CALD1: variants seen among roughly 807,000 people sequenced by gnomAD.
CALD1 encodes caldesmon 1.
A neutral mutation model predicts 99.9 loss-of-function variants in CALD1; 33 were observed. The ratio of observed to expected loss-of-function variants is 0.33; its 90% CI spans 0.25 to 0.44. The LOEUF is 0.44. Among genes scored for constraint, CALD1 ranks in the 20% least tolerant of loss-of-function variants. The pLI is 1.00. For synonymous variants in CALD1, 310 were observed against 325.0 expected, an observed-to-expected ratio of 0.95 and a Z score of 0.50; for missense variants, 861 against 962.1, an observed-to-expected ratio of 0.89 and a Z score of 1.39.
At chr7:134,771,163 G>A (rs915480707) in intron 1 of CALD1, among the ~76,000 whole-genome samples, 2 of 152,034 alleles carry the variant, frequency 1.3e-5, no homozygotes, top group Non-Finnish European at 2.9e-5. Context: ...TTTTCTGTCT[G>A]CACTCCCTCA....
intron 1 of CALD1, among the ~76,000 whole-genome samples, chr7:134,767,731 T>G (rs1167915270): frequency 6.6e-6 from 1 of 152,168 alleles, no homozygotes; most frequent in African/African-American, 2.4e-5. Flanking sequence ...CTCTCAGGAC[T>G]TGCCATCCTG....
At position 134,755,002 on chromosome 7, in the gene CALD1, T is replaced by TTA. The variant is rs1554421853; in HGVS notation, c.-130+10640_-130+10641insAT. ...ACACTACTATATATTTTACTTTTTT[T>TTA]TTATTATTATTATTTTTAGATGGAG... On this transcript the variant is annotated intron_variant, in intron 1 of 13. Transcript: ENST00000417172. Among the ~76,000 whole-genome samples the TTA allele has an allele frequency of 5.3e-5, 8 of 151,774 alleles. No homozygotes were observed. The East Asian group carries it at 1.2e-3, about 22-fold the overall frequency.
chr7:134,774,610 C>A (rs1208117917), intron 1 of CALD1, among the ~76,000 whole-genome samples: 3 of 152,180 alleles, frequency 2.0e-5, no homozygotes, highest in Admixed American at 6.5e-5. Context: ...CCCAGACTTA[C>A]AACAAATCTG....
chr7:134,748,030 C>G (rs748989912), intron 1 of CALD1, among the ~76,000 whole-genome samples: 2 of 152,264 alleles, frequency 1.3e-5, no homozygotes, highest in Non-Finnish European at 2.9e-5. Context: ...GCAGGCAAAG[C>G]TGCAGAGGTA....
intron 2 of CALD1, among the ~76,000 whole-genome samples, chr7:134,845,651 C>G (rs1799821802): frequency 6.6e-6 from 1 of 152,174 alleles, no homozygotes; most frequent in Non-Finnish European, 1.5e-5. Flanking sequence ...GTCTGAAGGT[C>G]AGGTGAGAAC....
chr7:134,900,368 G>A (rs955416605), intron 3 of CALD1, among the ~76,000 whole-genome samples: 5 of 152,194 alleles, frequency 3.3e-5, no homozygotes, highest in East Asian at 3.9e-4. Flanking sequence ...GAGTTCACAC[G>A]GCTTTTGAAT....
At chr7:134,894,516 T>C (rs1158301154) in intron 3 of CALD1, among the ~76,000 whole-genome samples, 1 of 152,242 alleles carries the variant, frequency 6.6e-6, no homozygotes, top group Non-Finnish European at 1.5e-5. Context: ...CCTTTTGCTT[T>C]GCTAGACGTA....
intron 6 of CALD1, among the ~76,000 whole-genome samples, chr7:134,938,387 C>T (rs1438134210): frequency 6.6e-6 from 1 of 152,166 alleles, no homozygotes; most frequent in Non-Finnish European, 1.5e-5. Context: ...ACCTCATCCC[C>T]ATGTATTATT....
chr7:134,722,298 A>T, the CALD1 span, among the ~76,000 whole-genome samples: 61 of 151,472 alleles, frequency 4.0e-4, no homozygotes, highest in African/African-American at 1.4e-3. Flanking sequence ...CCCTTTCACC[A>T]TTCTCTTTTC....
intron 8 of CALD1, among the ~76,000 whole-genome samples, chr7:134,949,277 C>A (rs188734147): frequency 2.9e-4 from 44 of 152,246 alleles, no homozygotes; most frequent in African/African-American, 9.9e-4. Flanking sequence ...AACACAGGAT[C>A]CTTCTGTGAC....
intron 3 of CALD1, among the ~76,000 whole-genome samples, chr7:134,888,393 A>G (rs1801981498): frequency 6.6e-6 from 1 of 152,228 alleles, no homozygotes; most frequent in South Asian, 2.1e-4. Flanking sequence ...ACTGGGTACC[A>G]TTCTCTGCTA....
chr7:134,918,612 T>A (rs899964219), intron 3 of CALD1, among the ~76,000 whole-genome samples: 1 of 152,350 alleles, frequency 6.6e-6, no homozygotes, highest in South Asian at 2.1e-4. Context: ...AGGGATGCGA[T>A]TGAAGAGGAG....
chr7:134,858,152 T>C (rs1800399769), intron 2 of CALD1, among the ~76,000 whole-genome samples: 1 of 151,890 alleles, frequency 6.6e-6, no homozygotes, highest in Non-Finnish European at 1.5e-5. Flanking sequence ...ATGTAAAATA[T>C]GGTGATCTCT....
intron 1 of CALD1, among the ~76,000 whole-genome samples, chr7:134,758,901 G>A (rs1160084686): frequency 6.6e-6 from 1 of 152,046 alleles, no homozygotes; most frequent in South Asian, 2.1e-4. Context: ...TTCCTTCCCA[G>A]CCCTAGGCCC....
intron 1 of CALD1, among the ~76,000 whole-genome samples, chr7:134,826,732 C>T (rs558990661): frequency 6.6e-6 from 1 of 152,164 alleles, no homozygotes; most frequent in Admixed American, 6.6e-5. Flanking sequence ...CATTTCAGAT[C>T]CAAATAAAAT....
intron 3 of CALD1, among the ~76,000 whole-genome samples, chr7:134,882,913 AT>A (rs1801672740): frequency 6.6e-6 from 1 of 152,150 alleles, no homozygotes; most frequent in African/African-American, 2.4e-5. Flanking sequence ...GGACTTAATT[AT>A]TTTTTTCCAG....
chr7:134,865,240 C>G (rs1435251071), intron 2 of CALD1, among the ~76,000 whole-genome samples: 1 of 152,146 alleles, frequency 6.6e-6, no homozygotes, highest in Non-Finnish European at 1.5e-5. Context: ...TAGAGAAGGG[C>G]TGAAAAGCTC....
intron 1 of CALD1, among the ~76,000 whole-genome samples, chr7:134,747,660 G>A (rs1796647030): frequency 6.6e-6 from 1 of 152,324 alleles, no homozygotes; most frequent in African/African-American, 2.4e-5. Context: ...TGCACTCCAT[G>A]CCTGTGCCCC....
chr7:134,779,786 G>A, intron 1 of CALD1, 37 bp downstream of exon 1: 1 of 398,322 alleles, frequency 2.5e-6, no homozygotes, highest in Non-Finnish European at 4.4e-6. Flanking sequence ...ATCTTCTAGA[G>A]AGAATCTGGG....
Sources: gnomAD v4.1 joint callset for allele counts (sites outside exome capture counted in the v4.1 genomes callset) on GRCh38, gnomAD v4.1.1 for gene constraint, MANE v1.5 for transcripts, NCBI Gene and HGNC (gene_info 2026-07-23, HGNC 2026-07-21) for gene names.